The following EPB41 variants were observed in gnomAD, a reference collection of about 807,000 sequenced individuals.
EPB41 encodes protein 4.1.
Under a neutral mutation model 108.0 loss-of-function variants are expected in EPB41, and 65 were observed. The observed-to-expected ratio is 0.60, with a 90% CI of 0.49 to 0.74. The LOEUF (loss-of-function observed/expected upper bound fraction) is 0.74, where lower values mean the gene tolerates loss of function less well. EPB41 is among the 30% of genes least tolerant of loss of function. The pLI is 0.00. For missense variants in EPB41, 875 were observed against 1,037.0 expected (o/e 0.84, Z 2.15); for synonymous variants, 336 against 358.9 (o/e 0.94, Z 0.72).
At chr1:29,062,520 C>T (rs908950570) in intron 15 of EPB41, among the ~76,000 whole-genome samples, 8 of 152,166 alleles carry the variant, frequency 5.3e-5, no homozygotes, top group Non-Finnish European at 1.2e-4. Flanking sequence ...GGTTTGATTG[C>T]TGCTAAAATT....
intron 16 of EPB41, among the ~76,000 whole-genome samples, chr1:29,075,575 T>C (rs975480620): frequency 1.3e-5 from 2 of 152,204 alleles, no homozygotes; most frequent in African/African-American, 4.8e-5. Context: ...ATTTGAAAGA[T>C]TGAAAGGTAG....
chr1:29,061,582 T>TG (rs1553274304), intron 15 of EPB41, among the ~76,000 whole-genome samples: 4 of 136,430 alleles, frequency 2.9e-5, no homozygotes, highest in Admixed American at 2.2e-4. Context: ...GTTTTTTTTT[T>TG]TTTTTTTTTT....
intron 2 of EPB41, 37 bp downstream of exon 2, chr1:28,987,942 G>T: frequency 6.3e-7 from 1 of 1,599,798 alleles, no homozygotes; most frequent in South Asian, 1.1e-5. Flanking sequence ...GGCAAAGGAA[G>T]GCAGGTTATA....
intron 4 of EPB41, among the ~76,000 whole-genome samples, chr1:29,007,491 C>T (rs1052509756): frequency 1.4e-4 from 21 of 152,182 alleles, no homozygotes; most frequent in African/African-American, 4.8e-4. Context: ...TACCAGTTTA[C>T]ATTCTCACAA....
intron 17 of EPB41, among the ~76,000 whole-genome samples, chr1:29,103,945 G>A (rs1056564313): frequency 2.0e-5 from 3 of 152,228 alleles, no homozygotes; most frequent in Non-Finnish European, 4.4e-5. Context: ...GGGATTACAG[G>A]CGTGATCCAC....
chr1:28,891,925 T>C lies in EPB41; in HGVS notation c.-8+4715T>C, dbSNP rs1047690275. On this transcript the variant is annotated intron_variant, in intron 1 of 16. Transcript: ENST00000347529. ...TAACACGGTGAAACCCCGTCTCTACTAAAAATACAAAAAATTAGCTGGGCA... is the reference window on the plus strand; with the variant it reads ...TAACACGGTGAAACCCCGTCTCTACCAAAAATACAAAAAATTAGCTGGGCA... 4.0e-5 allele frequency among the ~76,000 whole-genome samples: 6 copies of C among 151,810 alleles called. No homozygotes were observed. In the East Asian group the frequency reaches 5.8e-4, roughly 15 times the overall value.
Position 29,018,263 on chromosome 1 carries a change from A to G in EPB41, c.945A>G (p.Ala315=). 6.2e-7 allele frequency: 1 copy of G among 1,614,142 alleles called. No individual in the cohort carries two copies. ...LCLQLRQDIV[A]GRLPCSFATL... ...TTCAGCTTCGGCAGGACATAGTTGC[A>G]GGACGTCTGCCCTGTTCCTTTGCAA... The change falls in exon 7 of 21, where the codon GCA becomes GCG. Residue 315 remains alanine (A), a synonymous_variant. Coordinates refer to ENST00000343067, the MANE Select transcript of EPB41 (RefSeq NM_001376013.1). The surrounding 1 kb of genome is among the most constrained non-coding windows in gnomAD (Gnocchi z 4.4).
At chr1:29,037,988 A>G (rs1467542935) in intron 10 of EPB41, among the ~76,000 whole-genome samples, 8 of 151,986 alleles carry the variant, frequency 5.3e-5, no homozygotes, top group African/African-American at 1.9e-4. Context: ...CCTTCCCCCT[A>G]CTTCCGAGAT....
At chr1:28,962,048 C>G (rs567444100) in intron 1 of EPB41, among the ~76,000 whole-genome samples, 51 of 150,908 alleles carry the variant, frequency 3.4e-4, no homozygotes, top group African/African-American at 1.2e-3. Context: ...TAGGGTGGTG[C>G]AAAAGTAATT....
chr1:28,897,767 A>G (rs998471401), intron 1 of EPB41, among the ~76,000 whole-genome samples: 5 of 152,144 alleles, frequency 3.3e-5, no homozygotes, highest in South Asian at 2.1e-4. Context: ...GAAAGTGAGA[A>G]TAAGAAAACC....
chr1:29,018,780 T>C lies in EPB41; in HGVS notation c.1124+338T>C, dbSNP rs1364005785. Among the ~76,000 whole-genome samples, 1 of 152,204 alleles carries C rather than the reference T, an allele frequency of 6.6e-6. No homozygotes were observed. The highest frequency in any genetic ancestry group is 1.5e-5 in the Non-Finnish European group (1 of 68,034). On this transcript the variant is annotated intron_variant, in intron 7 of 20. Transcript: ENST00000343067. The surrounding 1 kb of genome is among the most constrained non-coding windows in gnomAD (Gnocchi z 4.4). Reference sequence around the variant, plus strand: ...AGATTTAAAGCTAATTATGCTGCATTAGGTACCTTGAGATCCTTAGAGCAG... The same window carrying C: ...AGATTTAAAGCTAATTATGCTGCATCAGGTACCTTGAGATCCTTAGAGCAG...
intron 1 of EPB41, among the ~76,000 whole-genome samples, chr1:28,922,697 G>A (rs540563554): frequency 1.3e-5 from 2 of 150,740 alleles, no homozygotes; most frequent in South Asian, 2.1e-4. Context: ...GCGCGATCTC[G>A]GCTCACTGCA....
intron 1 of EPB41, among the ~76,000 whole-genome samples, chr1:28,964,850 A>C (rs1307245930): frequency 6.6e-6 from 1 of 152,160 alleles, no homozygotes; most frequent in Non-Finnish European, 1.5e-5. Flanking sequence ...CTAGATGCTT[A>C]TCCAGTTGAT....
rs34502231 is a variant in EPB41 at position 28,959,212 on chromosome 1, CT to C, written c.-7-28196del. On this transcript the variant is annotated intron_variant, in intron 1 of 20. Transcript: ENST00000343067. ...ACTACGGAGCCTTTAAAAGTTTGAT[CT>C]TTTTTTTTTTTTTTTTTTTTTTGAG... Among the ~76,000 whole-genome samples, 144 of 97,944 alleles carry C rather than the reference CT, an allele frequency of 1.5e-3. No homozygotes were observed. In the South Asian group the frequency reaches 0.023, roughly 16 times the overall value. 64.3% of individuals were successfully genotyped at this position (97,944 alleles called of 152,430 possible).
At chr1:28,902,255 T>C in intron 1 of EPB41, 1 of 985,458 alleles carries the variant, frequency 1.0e-6, no homozygotes, top group South Asian at 4.7e-5. Flanking sequence ...TTCTGATTGC[T>C]TCTGATATTT....
chr1:28,927,119 G>A (rs2093488823), intron 1 of EPB41, among the ~76,000 whole-genome samples: 1 of 152,034 alleles, frequency 6.6e-6, no homozygotes, highest in African/African-American at 2.4e-5. Context: ...GAGTTGGGAG[G>A]GTGTTTTTGA....
At chr1:29,088,365 G>T (rs1032810782) in intron 16 of EPB41, among the ~76,000 whole-genome samples, 6 of 152,086 alleles carry the variant, frequency 3.9e-5, no homozygotes, top group African/African-American at 1.4e-4. Flanking sequence ...TTTTCTTACA[G>T]ATTCCCCATC....
intron 1 of EPB41, among the ~76,000 whole-genome samples, chr1:28,908,156 C>A (rs867244414): frequency 4.0e-5 from 6 of 151,356 alleles, no homozygotes; most frequent in Non-Finnish European, 7.4e-5. Context: ...AATCCTAGCA[C>A]TTTGGGAGGC....
rs34413393 is a variant in EPB41, at chr1:29,061,572, GTTTTTTTTTTTT to G, written c.2007+1103_2007+1114del. 2.8e-4 allele frequency among the ~76,000 whole-genome samples: 18 copies of G among 64,052 alleles called. No homozygotes were observed. In the East Asian group the frequency reaches 8.4e-3, roughly 30 times the overall value. 42.0% of individuals were successfully genotyped at this position (64,052 alleles called of 152,430 possible). A position where few individuals can be genotyped will look rare whatever the true frequency, so the allele number is the denominator to read the frequency against. On this transcript the variant is annotated intron_variant, in intron 15 of 20. Coordinates refer to ENST00000343067, the MANE Select transcript of EPB41 (RefSeq NM_001376013.1). ...GCGTGAGCCACTGCGCCTGGCCTTT[GTTTTTTTTTTTT>G]TTTTTTTTTTTTTTGAGGCGGGTCT...
Sources: allele counts gnomAD v4.1 joint callset (sites outside exome capture counted in the v4.1 genomes callset), GRCh38; gene constraint gnomAD v4.1.1; non-coding constraint Gnocchi (gnomAD v3.1); transcripts MANE v1.5; gene names NCBI Gene and HGNC (gene_info 2026-07-23, HGNC 2026-07-21).